The following ERGIC1 variants were observed in gnomAD, a reference collection of about 807,000 sequenced individuals.
ERGIC1 encodes the protein endoplasmic reticulum-golgi intermediate compartment 1.
A neutral mutation model predicts 38.3 loss-of-function variants in ERGIC1; 19 were observed. That is an observed-to-expected ratio of 0.50 (90% CI 0.35 to 0.73). The LOEUF (loss-of-function observed/expected upper bound fraction) is 0.73, where lower values mean the gene tolerates loss of function less well. Ranked by LOEUF, ERGIC1 falls within the 30% of genes least tolerant of loss-of-function variation. ERGIC1 has a pLI of 0.01. For synonymous variants in ERGIC1, 124 were observed against 157.6 expected, an observed-to-expected ratio of 0.79 and a Z score of 1.60; for missense variants, 294 against 389.2, an observed-to-expected ratio of 0.76 and a Z score of 2.06.
chr5:172,871,338 A>G (rs1273712366), intron 1 of ERGIC1, among the ~76,000 whole-genome samples: 1 of 151,946 alleles, frequency 6.6e-6, no homozygotes, highest in Non-Finnish European at 1.5e-5. Context: ...AGGCCTTTGC[A>G]CTTGCTGTCC....
chr5:172,890,525 C>T (rs541317644), intron 2 of ERGIC1, among the ~76,000 whole-genome samples: 9 of 152,306 alleles, frequency 5.9e-5, no homozygotes, highest in East Asian at 3.9e-4. Flanking sequence ...CAGTGAAGGG[C>T]GTATGGGAAC....
rs1350153886 is a variant in ERGIC1, at chr5:172,950,890, C to G, written c.*74C>G. 7.4e-7 allele frequency: 1 copy of G among 1,347,254 alleles called. No homozygotes were observed. Among genetic ancestry groups the G allele is most frequent in the African/African-American group, 1.5e-5 (1 of 68,848 alleles). 83.5% of individuals were successfully genotyped at this position (1,347,254 alleles called of 1,614,324 possible). ...CCTCCAGTGCCCTGTCTCCTTTGGC[C>G]CTCAATCTGGTCCCAAATCTGGCTG... On this transcript the variant is annotated 3_prime_UTR_variant, in exon 10 of 10. Transcript: ENST00000393784.
At chr5:172,929,725 C>T (rs1254527230) in intron 7 of ERGIC1, among the ~76,000 whole-genome samples, 1 of 152,098 alleles carries the variant, frequency 6.6e-6, no homozygotes, top group Non-Finnish European at 1.5e-5. Flanking sequence ...CCAAGATGAG[C>T]GAGGTGTGTC....
chr5:172,916,605 G>C (rs923698541), intron 5 of ERGIC1: 1 of 152,228 alleles, frequency 6.6e-6, no homozygotes, highest in African/African-American at 2.4e-5. Flanking sequence ...GCTGGCTAGG[G>C]GCCACAGCGT....
chr5:172,932,191 G>A (rs115025364), intron 7 of ERGIC1, among the ~76,000 whole-genome samples: 1 of 152,266 alleles, frequency 6.6e-6, no homozygotes, highest in African/African-American at 2.4e-5. Flanking sequence ...CTCTATTGAT[G>A]GACATTTGGG....
At chr5:172,932,627 T>A in intron 8 of ERGIC1, 91 bp downstream of exon 8, 1 of 1,295,236 alleles carries the variant, frequency 7.7e-7, no homozygotes, top group South Asian at 1.2e-5. Flanking sequence ...CGACGCACTT[T>A]CTTCTGATTC....
intron 9 of ERGIC1, among the ~76,000 whole-genome samples, chr5:172,942,683 A>G (rs1256990982): frequency 2.0e-5 from 3 of 152,218 alleles, no homozygotes; most frequent in Non-Finnish European, 2.9e-5. Flanking sequence ...TAGATCTTCA[A>G]GAAGGTGTTC....
chr5:172,876,554 C>T (rs1290494880), intron 1 of ERGIC1, among the ~76,000 whole-genome samples: 1 of 152,110 alleles, frequency 6.6e-6, no homozygotes, highest in Non-Finnish European at 1.5e-5. Flanking sequence ...TCAATCACGG[C>T]TGTTATTAAA....
chr5:172,869,612 A>G (rs976083976), intron 1 of ERGIC1, among the ~76,000 whole-genome samples: 4 of 152,232 alleles, frequency 2.6e-5, no homozygotes, highest in Non-Finnish European at 5.9e-5. Context: ...TGTTGTCTCT[A>G]AGAAGTCATG....
intron 3 of ERGIC1, among the ~76,000 whole-genome samples, chr5:172,908,048 G>A (rs1468738463): frequency 5.3e-5 from 8 of 151,764 alleles, no homozygotes; most frequent in Non-Finnish European, 7.4e-5. Flanking sequence ...AAATATGGCC[G>A]ATGCGGTCGA....
rs1418241128 is a variant in ERGIC1, at chr5:172,926,974, T to C, written c.541+405T>C. 1 of 199,148 alleles carries C rather than the reference T, an allele frequency of 5.0e-6. No individual in the cohort carries two copies. Among genetic ancestry groups the C allele is most frequent in the Non-Finnish European group, 1.0e-5 (1 of 96,060 alleles). The allele number at this position is 199,148 out of a possible 1,614,324, so 12.3% of individuals were successfully genotyped here. On this transcript the variant is annotated intron_variant, in intron 7 of 9. Coordinates refer to ENST00000393784, the MANE Select transcript of ERGIC1 (RefSeq NM_001031711.3). The surrounding 1 kb of genome is among the most constrained non-coding windows in gnomAD (Gnocchi z 5.2). The stretch of plus-strand genomic sequence containing the variant: ...GGTCTGTGGGTGGCCCAGTCAGCTG[T>C]GACCACATGGCTGCCTCCCCCACAC...
At chr5:172,914,254 A>AAAAAAAT (rs796565475) in intron 4 of ERGIC1, among the ~76,000 whole-genome samples, 27,302 of 125,454 alleles carry the variant, frequency 0.22, 3,612 homozygotes, top group Non-Finnish European at 0.28. Context: ...AAAAAAAAAA[A>AAAAAAAT]AAATACAAAG....
intron 3 of ERGIC1, among the ~76,000 whole-genome samples, chr5:172,909,190 A>G (rs1763142091): frequency 1.3e-4 from 2 of 15,034 alleles, no homozygotes; most frequent in South Asian, 1.7e-3. Context: ...TTTTTTTGAG[A>G]CGGAGTTTCA....
chr5:172,918,986 T>C (rs732678), intron 5 of ERGIC1, among the ~76,000 whole-genome samples: 27,889 of 150,726 alleles, frequency 0.19, 2,742 homozygotes, highest in South Asian at 0.22. Flanking sequence ...CCTCCTTGAC[T>C]TGGCCTCTCC....
chr5:172,905,177 C>T (rs1294188215), intron 3 of ERGIC1: 8 of 241,238 alleles, frequency 3.3e-5, no homozygotes, highest in Middle Eastern at 1.8e-3. Context: ...GGCCCAGCCT[C>T]GCCAGGTGGG....
intron 1 of ERGIC1, among the ~76,000 whole-genome samples, chr5:172,843,698 C>T (rs182528858): frequency 9.4e-4 from 143 of 152,320 alleles, no homozygotes; most frequent in African/African-American, 3.3e-3. Context: ...GGGGACTGAC[C>T]ACAGGTCCCC....
intron 1 of ERGIC1, among the ~76,000 whole-genome samples, chr5:172,850,512 G>A (rs114999877): frequency 1.2e-3 from 180 of 152,306 alleles, no homozygotes; most frequent in African/African-American, 3.7e-3. Flanking sequence ...GGTGGGCACC[G>A]TGTAGTGCGG....
intron 1 of ERGIC1, among the ~76,000 whole-genome samples, chr5:172,860,065 G>C (rs1166567235): frequency 6.6e-6 from 1 of 152,206 alleles, no homozygotes; most frequent in African/African-American, 2.4e-5. Flanking sequence ...ACCATCCCAT[G>C]CTCCTATATG....
intron 1 of ERGIC1, among the ~76,000 whole-genome samples, chr5:172,864,266 G>GT (rs1761793983): frequency 1.2e-4 from 15 of 125,218 alleles, no homozygotes; most frequent in South Asian, 7.8e-4. Context: ...ATATTTTGTA[G>GT]TCTTTTTTTT....
Sources: gnomAD v4.1 joint callset for allele counts (sites outside exome capture counted in the v4.1 genomes callset) on GRCh38, gnomAD v4.1.1 for gene constraint, Gnocchi (gnomAD v3.1) non-coding constraint, MANE v1.5 for transcripts, NCBI Gene and HGNC (gene_info 2026-07-23, HGNC 2026-07-21) for gene names.